TENM3: variants seen among roughly 807,000 people sequenced by gnomAD.
The protein encoded by TENM3 is teneurin transmembrane protein 3, also known as teneurin-3.
TENM3 carries 63 observed loss-of-function variants against 255.1 expected under a neutral mutation model. That is an observed-to-expected ratio of 0.25 (90% CI 0.20 to 0.30). TENM3 has a LOEUF of 0.30. TENM3 is among the 10% of genes least tolerant of loss of function. The pLI, the probability that TENM3 is intolerant of heterozygous loss-of-function variation, is 1.00. For missense variants in TENM3, 2,929 were observed against 3,461.1 expected, an observed-to-expected ratio of 0.85 and a Z score of 3.86; for synonymous variants, 1,306 against 1,322.3, an observed-to-expected ratio of 0.99 and a Z score of 0.27.
the TENM3 span, among the ~76,000 whole-genome samples, chr4:181,690,907 C>G: frequency 6.7e-6 from 1 of 149,184 alleles, no homozygotes; most frequent in African/African-American, 2.4e-5. Flanking sequence ...CCATATAGAC[C>G]TTTTGTGACT....
chr4:181,532,461 G>A, the TENM3 span, among the ~76,000 whole-genome samples: 1 of 152,068 alleles, frequency 6.6e-6, no homozygotes, highest in Non-Finnish European at 1.5e-5. Context: ...GGCATAACTG[G>A]GGTCCATTTT....
At chr4:182,634,636 C>T (rs1017434426) in intron 5 of TENM3, among the ~76,000 whole-genome samples, 2 of 150,294 alleles carry the variant, frequency 1.3e-5, no homozygotes, top group African/African-American at 4.9e-5. Flanking sequence ...TGATACAGAC[C>T]TACCCAAAGA....
intron 3 of TENM3, among the ~76,000 whole-genome samples, chr4:182,400,696 G>A (rs1046073305): frequency 6.6e-6 from 1 of 152,106 alleles, no homozygotes; most frequent in African/African-American, 2.4e-5. Flanking sequence ...CACAATGCAA[G>A]CATATTTTTA....
At chr4:182,540,596 A>AG in intron 3 of TENM3, among the ~76,000 whole-genome samples, 1 of 152,016 alleles carries the variant, frequency 6.6e-6, no homozygotes. Flanking sequence ...AAAAAAAAAA[A>AG]TTTTTCACTT....
the TENM3 span, among the ~76,000 whole-genome samples, chr4:181,699,893 A>G: frequency 3.0e-4 from 45 of 152,242 alleles, no homozygotes; most frequent in Non-Finnish European, 5.3e-4. Context: ...TCCTCAGAAG[A>G]GGACGTTTTT....
chr4:181,518,885 A>G, the TENM3 span, among the ~76,000 whole-genome samples: 2 of 152,334 alleles, frequency 1.3e-5, no homozygotes, highest in Admixed American at 1.3e-4. Context: ...GGTACCAGTT[A>G]CGTAACAAAG....
rs183484430 is a variant in TENM3, at chr4:182,409,639, T to C, written c.511+62710T>C. On this transcript the variant is annotated intron_variant, in intron 3 of 27. Coordinates refer to ENST00000511685, the MANE Select transcript of TENM3 (RefSeq NM_001080477.4). ...GCCGTCTACTGACATGGGTGATTTGTCAAATAGATATTAGCTAGAGGAGGG... is the reference window on the plus strand; with the variant it reads ...GCCGTCTACTGACATGGGTGATTTGCCAAATAGATATTAGCTAGAGGAGGG... 2.6e-5 allele frequency among the ~76,000 whole-genome samples: 4 copies of C among 152,326 alleles called. No individual in the cohort carries two copies. In the East Asian group the frequency reaches 5.8e-4, roughly 22 times the overall value.
chr4:181,517,506 T>C, the TENM3 span, among the ~76,000 whole-genome samples: 229 of 152,316 alleles, frequency 1.5e-3, 6 homozygotes, highest in East Asian at 0.043. Flanking sequence ...AATGCTTTTG[T>C]TACCAATTAT....
the TENM3 span, among the ~76,000 whole-genome samples, chr4:182,124,561 T>G: frequency 2.0e-5 from 3 of 152,138 alleles, no homozygotes; most frequent in Non-Finnish European, 2.9e-5. Flanking sequence ...GGCTGAGCCC[T>G]GGGGCAACAT....
chr4:182,371,941 T>A (rs1272687359), intron 3 of TENM3, among the ~76,000 whole-genome samples: 1 of 152,220 alleles, frequency 6.6e-6, no homozygotes, highest in African/African-American at 2.4e-5. Context: ...TGAAAGAGAA[T>A]ACAATATGTG....
chr4:182,492,795 A>G (rs76117449), intron 3 of TENM3, among the ~76,000 whole-genome samples: 3,257 of 152,188 alleles, frequency 0.021, 111 homozygotes, highest in African/African-American at 0.073. Flanking sequence ...TCAAGATATC[A>G]TTGTTATTTC....
At chr4:181,577,926 C>T in the TENM3 span, among the ~76,000 whole-genome samples, 1 of 152,020 alleles carries the variant, frequency 6.6e-6, no homozygotes, top group Non-Finnish European at 1.5e-5. Context: ...TACCCTCCAC[C>T]CTTTCAGTTT....
chr4:182,078,028 C>G, the TENM3 span, among the ~76,000 whole-genome samples: 1 of 152,038 alleles, frequency 6.6e-6, no homozygotes, highest in African/African-American at 2.4e-5. Flanking sequence ...ATATATGAGC[C>G]TGGGCAAGGT....
At chr4:182,660,065 A>G (rs1249233061) in intron 6 of TENM3, among the ~76,000 whole-genome samples, 1 of 149,170 alleles carries the variant, frequency 6.7e-6, no homozygotes. Flanking sequence ...ATTCAATGCA[A>G]ATATACAAAG....
At chr4:182,061,985 A>C in the TENM3 span, among the ~76,000 whole-genome samples, 2 of 152,058 alleles carry the variant, frequency 1.3e-5, no homozygotes, top group Non-Finnish European at 2.9e-5. Flanking sequence ...GAAAATTAAA[A>C]ATTAAATATT....
the TENM3 span, among the ~76,000 whole-genome samples, chr4:182,137,341 C>CG: frequency 1.3e-5 from 2 of 150,732 alleles, no homozygotes; most frequent in African/African-American, 4.9e-5. Flanking sequence ...CCTCCCCCCC[C>CG]CCAAAAAGGA....
chr4:182,496,165 C>G (rs548462664), intron 3 of TENM3, among the ~76,000 whole-genome samples: 1 of 152,210 alleles, frequency 6.6e-6, no homozygotes, highest in East Asian at 1.9e-4. Context: ...TCTCACTGTT[C>G]TTGGTTTACT....
the TENM3 span, among the ~76,000 whole-genome samples, chr4:182,017,999 T>C: frequency 1.9e-4 from 29 of 152,204 alleles, no homozygotes; most frequent in Non-Finnish European, 3.5e-4. Context: ...AGGAAATTTA[T>C]GGTGAGGCAG....
At chr4:182,664,221 C>G (rs556217818) in intron 6 of TENM3, among the ~76,000 whole-genome samples, 1 of 152,316 alleles carries the variant, frequency 6.6e-6, no homozygotes, top group East Asian at 1.9e-4. Flanking sequence ...TCATGTCTCT[C>G]TGTTGCATTT....
Sources: allele counts gnomAD v4.1 joint callset (sites outside exome capture counted in the v4.1 genomes callset), GRCh38; gene constraint gnomAD v4.1.1; transcripts MANE v1.5; gene names NCBI Gene and HGNC (gene_info 2026-07-23, HGNC 2026-07-21).